The following CTNNA2 variants were observed in gnomAD, a reference collection of about 807,000 sequenced individuals.
CTNNA2 encodes catenin alpha-2.
Under a neutral mutation model 101.0 loss-of-function variants are expected in CTNNA2, and 42 were observed. That is an observed-to-expected ratio of 0.42 (90% CI 0.32 to 0.54). The LOEUF is 0.54. Among genes scored for constraint, CTNNA2 ranks in the 20% least tolerant of loss-of-function variants. The probability of loss-of-function intolerance (pLI) is 0.14; values close to 1 mark genes in which losing one functional copy is unlikely to be tolerated. For missense variants in CTNNA2, 871 were observed against 1,223.1 expected, an observed-to-expected ratio of 0.71 and a Z score of 4.29; for synonymous variants, 450 against 456.4, an observed-to-expected ratio of 0.99 and a Z score of 0.18.
chr2:80,079,807 C>T (rs945829375), intron 7 of CTNNA2, among the ~76,000 whole-genome samples: 12 of 57,816 alleles, frequency 2.1e-4, no homozygotes, highest in South Asian at 3.7e-4. Flanking sequence ...AGGGAGACTC[C>T]GTCTCAAAAA....
chr2:79,721,385 CTCTT>C (rs1168027687), intron 2 of CTNNA2, among the ~76,000 whole-genome samples: 1 of 152,186 alleles, frequency 6.6e-6, no homozygotes, highest in Non-Finnish European at 1.5e-5. Context: ...GATCAAGTCT[CTCTT>C]TCTCTTCTTA....
At chr2:80,460,679 C>T (rs1684349350) in intron 9 of CTNNA2, among the ~76,000 whole-genome samples, 1 of 152,244 alleles carries the variant, frequency 6.6e-6, no homozygotes, top group Middle Eastern at 3.4e-3. Flanking sequence ...CACAGTCACA[C>T]ACATGCACAC....
In CTNNA2 at chr2:80,205,668, G is replaced by T. The variant is rs559128796; in HGVS notation, c.1057-187543G>T. 2.0e-5 allele frequency among the ~76,000 whole-genome samples: 3 copies of T among 152,170 alleles called. No individual in the cohort carries two copies. In the South Asian group the frequency reaches 6.2e-4, roughly 32 times the overall value. On this transcript the variant is annotated intron_variant, in intron 7 of 18. Transcript: ENST00000402739. ...ATGCTCATGAGTTTCTTTTTTGTTT[G>T]CTTTTGGTGTTAACTTACTGCCTCT...
chr2:80,532,339 C>G (rs1337591798), intron 9 of CTNNA2, among the ~76,000 whole-genome samples: 1 of 152,184 alleles, frequency 6.6e-6, no homozygotes, highest in Admixed American at 6.5e-5. Flanking sequence ...CTTGCACCCT[C>G]TAGCTCCATC....
chr2:79,438,589 T>G (rs1678743853), intron 4 of CTNNA2, among the ~76,000 whole-genome samples: 1 of 152,028 alleles, frequency 6.6e-6, no homozygotes, highest in African/African-American at 2.4e-5. Flanking sequence ...CCAGTAGGAC[T>G]CCCCCAGTTG....
chr2:80,477,328 A>G (rs1294498504), intron 9 of CTNNA2, among the ~76,000 whole-genome samples: 1 of 152,198 alleles, frequency 6.6e-6, no homozygotes, highest in Non-Finnish European at 1.5e-5. Context: ...GTTCCTGGTA[A>G]ATAGAAATAA....
At chr2:80,003,333 CT>C (rs1344900525) in intron 7 of CTNNA2, among the ~76,000 whole-genome samples, 4 of 152,108 alleles carry the variant, frequency 2.6e-5, no homozygotes, top group Non-Finnish European at 5.9e-5. Context: ...TATATTAATG[CT>C]GAGACTAAAC....
At chr2:80,447,320 T>C (rs1229226387) in intron 9 of CTNNA2, among the ~76,000 whole-genome samples, 2 of 152,192 alleles carry the variant, frequency 1.3e-5, no homozygotes, top group Non-Finnish European at 2.9e-5. Flanking sequence ...GTACATTTGG[T>C]CCATGAAACT....
At chr2:80,542,299 G>T (rs1691642645) in intron 9 of CTNNA2, among the ~76,000 whole-genome samples, 1 of 151,950 alleles carries the variant, frequency 6.6e-6, no homozygotes, top group East Asian at 1.9e-4. Flanking sequence ...ACACAAATGA[G>T]ATCTATGTCT....
chr2:79,472,495 ATAG>A (rs1671010751), intron 4 of CTNNA2, among the ~76,000 whole-genome samples: 1 of 151,392 alleles, frequency 6.6e-6, no homozygotes, highest in South Asian at 2.1e-4. Flanking sequence ...GTCTTGAAGA[ATAG>A]TGCCCATTTG....
intron 7 of CTNNA2, among the ~76,000 whole-genome samples, chr2:79,966,446 G>A (rs1242927452): frequency 6.6e-6 from 1 of 152,068 alleles, no homozygotes; most frequent in Non-Finnish European, 1.5e-5. Flanking sequence ...ATGTTGTTTA[G>A]CCTGGTCTCA....
intron 7 of CTNNA2, among the ~76,000 whole-genome samples, chr2:80,308,252 C>T (rs1384331442): frequency 2.0e-5 from 3 of 152,172 alleles, no homozygotes; most frequent in Admixed American, 6.5e-5. Context: ...GGTGCAAGTG[C>T]AGAAAGTCTG....
chr2:79,705,239 T>C (rs922602241), intron 2 of CTNNA2, among the ~76,000 whole-genome samples: 5 of 152,204 alleles, frequency 3.3e-5, no homozygotes, highest in African/African-American at 1.2e-4. Context: ...ATCCCTGGTT[T>C]CACTTGTAGT....
chr2:80,004,680 T>TTAC (rs1693203784), intron 7 of CTNNA2, among the ~76,000 whole-genome samples: 1 of 31,904 alleles, frequency 3.1e-5, no homozygotes, highest in South Asian at 8.3e-4. Flanking sequence ...TACATTTATT[T>TTAC]ATTTATTTAT....
rs59415087 is a variant in CTNNA2 at position 80,372,367 on chromosome 2, GTT to G, written c.1057-20829_1057-20828del. ...CCATGCAAGCTCCATTTTTAGAGAA[GTT>G]TTTTTTTTTTTTTTAAGCTGTTGGC... On this transcript the variant is annotated intron_variant, in intron 7 of 18. Transcript: ENST00000402739. 3.9e-4 allele frequency among the ~76,000 whole-genome samples: 55 copies of G among 139,436 alleles called. 1 individual carries two copies. The highest frequency in any genetic ancestry group is 3.3e-3 in the Admixed American group (46 of 13,878). 91.5% of individuals were successfully genotyped at this position (139,436 alleles called of 152,430 possible). A position where few individuals can be genotyped will look rare whatever the true frequency, so the allele number is the denominator to read the frequency against.
At chr2:79,815,212 T>C (rs77868085) in intron 3 of CTNNA2, among the ~76,000 whole-genome samples, 3,643 of 152,306 alleles carry the variant, frequency 0.024, 149 homozygotes, top group African/African-American at 0.083. Flanking sequence ...TTTCTCCCAC[T>C]CTGTGGTTTG....
In CTNNA2 at chr2:80,302,143, A is replaced by G. The variant is rs1175023090; in HGVS notation, c.1057-91068A>G. On this transcript the variant is annotated intron_variant, in intron 7 of 18. Coordinates refer to ENST00000402739, the MANE Select transcript of CTNNA2 (RefSeq NM_001282597.3). This position sits in a 1 kb window ranked among gnomAD's most constrained non-coding sequence, Gnocchi z 6.4. Reference sequence around the variant, plus strand: ...AGAGATCCCCTTAAAGTTTCAGTCAAGGAGCATATCAGAGCACAGACAAGG... The same window carrying G: ...AGAGATCCCCTTAAAGTTTCAGTCAGGGAGCATATCAGAGCACAGACAAGG... 2 of 1,376,032 alleles carry G rather than the reference A, an allele frequency of 1.5e-6. No individual in the cohort carries two copies. The highest frequency in any genetic ancestry group is 1.9e-6 in the Non-Finnish European group (2 of 1,025,964). The allele number at this position is 1,376,032 out of a possible 1,614,324, so 85.2% of individuals were successfully genotyped here.
chr2:79,999,937 G>A (rs1261435677), intron 7 of CTNNA2, among the ~76,000 whole-genome samples: 3 of 152,136 alleles, frequency 2.0e-5, no homozygotes, highest in Admixed American at 6.6e-5. Flanking sequence ...ATGTATAGAC[G>A]AGAAAGAGAT....
In CTNNA2 at chr2:80,064,385, G is replaced by A. The variant is rs560032500; in HGVS notation, c.1056+154588G>A. 2.0e-5 allele frequency among the ~76,000 whole-genome samples: 3 copies of A among 152,338 alleles called. No individual in the cohort carries two copies. The South Asian group carries it at 6.2e-4, about 32-fold the overall frequency. ...TGGTCTGATCAGTGAACCACACTTT[G>A]AGAAACACTACAGGACCATCTTTTA... On this transcript the variant is annotated intron_variant, in intron 7 of 18. Transcript: ENST00000402739.
Sources: gnomAD v4.1 joint callset for allele counts (sites outside exome capture counted in the v4.1 genomes callset) on GRCh38, gnomAD v4.1.1 for gene constraint, Gnocchi (gnomAD v3.1) non-coding constraint, MANE v1.5 for transcripts, NCBI Gene and HGNC (gene_info 2026-07-23, HGNC 2026-07-21) for gene names.